The following ANAPC1 variants were observed in gnomAD, a reference collection of about 807,000 sequenced individuals.
ANAPC1 encodes anaphase-promoting complex subunit 1.
Under a neutral mutation model 208.0 loss-of-function variants are expected in ANAPC1, and 36 were observed. That is an observed-to-expected ratio of 0.17 (90% confidence interval 0.13 to 0.23). ANAPC1 has a LOEUF of 0.23. ANAPC1 is among the 10% of genes least tolerant of loss of function. The probability of loss-of-function intolerance (pLI) is 1.00; values close to 1 mark genes in which losing one functional copy is unlikely to be tolerated. For missense variants in ANAPC1, 942 were observed against 2,011.6 expected, an observed-to-expected ratio of 0.47 and a Z score of 10.17; for synonymous variants, 378 against 695.2, an observed-to-expected ratio of 0.54 and a Z score of 7.18.
chr2:111,880,845 T>C lies in ANAPC1; in HGVS notation c.-20A>G. 6.2e-7 allele frequency: 1 copy of C among 1,612,564 alleles called. No individual in the cohort carries two copies. Among genetic ancestry groups the C allele is most frequent in the Non-Finnish European group, 8.5e-7 (1 of 1,179,002 alleles). ...CGACATGGGTTCCAAATATCAACAT[T>C]ATTTCTGTATGAATTCAAACACATT... On this transcript the variant is annotated 5_prime_UTR_variant, in exon 2 of 48. In the 5' UTR this introduces an upstream ATG that the reference lacks. Coordinates refer to ENST00000341068, the MANE Select transcript of ANAPC1 (RefSeq NM_022662.4).
chr2:111,799,059 AG>A, intron 34 of ANAPC1, among the ~76,000 whole-genome samples: 1 of 152,160 alleles, frequency 6.6e-6, no homozygotes, highest in African/African-American at 2.4e-5. Context: ...AATCTGACAA[AG>A]AACGGGTTTC....
chr2:111,766,744 G>C (rs1484039154), downstream of ANAPC1: 1 of 332,444 alleles, frequency 3.0e-6, no homozygotes, highest in Non-Finnish European at 6.3e-6. Context: ...CTGCCCACAG[G>C]CACCCTGGCC....
chr2:111,841,848 A>G (rs1353525138), intron 17 of ANAPC1, among the ~76,000 whole-genome samples: 1 of 152,226 alleles, frequency 6.6e-6, no homozygotes, highest in Non-Finnish European at 1.5e-5. Context: ...AAATTTTGAA[A>G]AAAACATTCC....
intron 16 of ANAPC1, among the ~76,000 whole-genome samples, chr2:111,845,536 T>C (rs889348292): frequency 1.2e-4 from 18 of 152,234 alleles, no homozygotes; most frequent in African/African-American, 3.1e-4. Context: ...CATAAACTTA[T>C]GTGCATAAAC....
chr2:111,791,610 G>C (rs1677878108), intron 38 of ANAPC1, among the ~76,000 whole-genome samples: 8 of 151,848 alleles, frequency 5.3e-5, no homozygotes, highest in Admixed American at 5.2e-4. Flanking sequence ...CATACAACAT[G>C]AATCTTACAA....
At chr2:111,830,691 G>A (rs1370041434) in intron 21 of ANAPC1, among the ~76,000 whole-genome samples, 1 of 151,852 alleles carries the variant, frequency 6.6e-6, no homozygotes, top group African/African-American at 2.4e-5. Flanking sequence ...ACCACAATGA[G>A]GTATAACTAC....
chr2:111,806,715 G>C (rs1385556950), intron 29 of ANAPC1, among the ~76,000 whole-genome samples: 1 of 150,368 alleles, frequency 6.7e-6, no homozygotes, highest in African/African-American at 2.5e-5. Flanking sequence ...TACTATGGTA[G>C]AATTTCTGTG....
At chr2:111,866,723 C>CAA (rs1224733777) in intron 7 of ANAPC1, among the ~76,000 whole-genome samples, 12 of 70,936 alleles carry the variant, frequency 1.7e-4, no homozygotes, top group African/African-American at 3.2e-4. Flanking sequence ...GACTCCGTCT[C>CAA]AAAAAAAAAA....
intron 7 of ANAPC1, chr2:111,865,692 T>G (rs1438981330): frequency 1.9e-5 from 3 of 154,370 alleles, no homozygotes; most frequent in African/African-American, 7.2e-5. Flanking sequence ...CTGTGTTATT[T>G]GTATCCTACT....
intron 11 of ANAPC1, 28 bp from the exon 12 acceptor site, chr2:111,856,914 G>C (rs753822057): frequency 4.1e-5 from 65 of 1,573,032 alleles, no homozygotes; most frequent in Non-Finnish European, 5.6e-5. Context: ...AAAGAAACTT[G>C]ATACATGCAA....
intron 35 of ANAPC1, 148 bp downstream of exon 35, chr2:111,794,670 A>G (rs1678065279): frequency 2.5e-6 from 3 of 1,201,430 alleles, no homozygotes; most frequent in Non-Finnish European, 3.5e-6. Context: ...GCTTTAACCA[A>G]CGTCATGAAC....
intron 38 of ANAPC1, among the ~76,000 whole-genome samples, chr2:111,790,995 C>T (rs1020426525): frequency 7.9e-5 from 12 of 151,992 alleles, no homozygotes; most frequent in East Asian, 1.9e-4. Flanking sequence ...ATTGGTTGCA[C>T]GGCAGTGTGA....
chr2:111,846,559 A>ATTTTTTT lies in ANAPC1; in HGVS notation c.1852+572_1852+578dup, dbSNP rs775041785. Reference sequence around the variant, plus strand: ...CATATATATATATATATATATATATATTTTTTTTTTTTTTTTTTTTTTTTT... The same window carrying ATTTTTTT: ...CATATATATATATATATATATATATATTTTTTTTTTTTTTTTTTTTTTTTTTTTTTTT... On this transcript the variant is annotated intron_variant, in intron 16 of 47. Transcript: ENST00000341068. 8.9e-4 allele frequency among the ~76,000 whole-genome samples: 41 copies of ATTTTTTT among 46,296 alleles called. 4 individuals carry two copies. Among genetic ancestry groups the ATTTTTTT allele is most frequent in the South Asian group, 2.1e-3 (2 of 932 alleles). 30.4% of individuals were successfully genotyped at this position (46,296 alleles called of 152,430 possible).
At chr2:111,827,891 T>C (rs1343942854) in intron 21 of ANAPC1, among the ~76,000 whole-genome samples, 2 of 152,144 alleles carry the variant, frequency 1.3e-5, no homozygotes, top group Non-Finnish European at 2.9e-5. Flanking sequence ...TTTTTATAAA[T>C]AGATCTCTGA....
At chr2:111,766,900 G>A, downstream of ANAPC1, 1 of 469,866 alleles carries the variant, frequency 2.1e-6, no homozygotes, top group South Asian at 1.6e-5. Flanking sequence ...CTAGACAAAG[G>A]GTGAGAAAAT....
At chr2:111,820,206 T>G (rs1456611354) in intron 26 of ANAPC1, among the ~76,000 whole-genome samples, 8 of 152,092 alleles carry the variant, frequency 5.3e-5, no homozygotes, top group African/African-American at 1.9e-4. Flanking sequence ...ACTCTACTAC[T>G]AATAATGGCT....
intron 19 of ANAPC1, among the ~76,000 whole-genome samples, chr2:111,834,341 G>GA (rs1252108773): frequency 1.3e-5 from 2 of 152,106 alleles, no homozygotes; most frequent in African/African-American, 4.8e-5. Flanking sequence ...CTGTCAAAAT[G>GA]AAAATCTGAG....
At chr2:111,857,630 G>A (rs1174340041) in intron 11 of ANAPC1, among the ~76,000 whole-genome samples, 1 of 152,218 alleles carries the variant, frequency 6.6e-6, no homozygotes, top group Non-Finnish European at 1.5e-5. Context: ...ACAGTTTGGT[G>A]ATTTCTTAAA....
chr2:111,843,369 A>G (rs1309693196), intron 17 of ANAPC1, 43 bp downstream of exon 17: 2 of 1,602,298 alleles, frequency 1.2e-6, no homozygotes, highest in Non-Finnish European at 1.7e-6. Context: ...CAACCATTAC[A>G]TTAACAGAAT....
Sources: allele counts gnomAD v4.1 joint callset (sites outside exome capture counted in the v4.1 genomes callset), GRCh38; gene constraint gnomAD v4.1.1; transcripts MANE v1.5; gene names NCBI Gene and HGNC (gene_info 2026-07-23, HGNC 2026-07-21).